The following CFTR variants were observed in gnomAD, a reference collection of about 807,000 sequenced individuals.
The protein encoded by CFTR is cystic fibrosis transmembrane conductance regulator.
CFTR carries 181 observed loss-of-function variants against 171.6 expected under a neutral mutation model. That is an observed-to-expected ratio of 1.05 (90% CI 0.93 to 1.19). The LOEUF (loss-of-function observed/expected upper bound fraction) is 1.19. Among genes scored for constraint, CFTR ranks in the 50% most tolerant of loss-of-function variants. The probability of loss-of-function intolerance (pLI) is 0.00; values close to 1 mark genes in which losing one functional copy is unlikely to be tolerated. For synonymous variants in CFTR, 583 were observed against 608.0 expected, an observed-to-expected ratio of 0.96 and a Z score of 0.60; for missense variants, 1,968 against 1,734.7, an observed-to-expected ratio of 1.13 and a Z score of -2.39.
intron 22 of CFTR, 111 bp from the exon 23 acceptor site, chr7:117,642,327 G>A (rs542526637): frequency 2.8e-6 from 3 of 1,081,128 alleles, no homozygotes; most frequent in South Asian, 2.6e-5. Context: ...ATCTTCCACT[G>A]GTGACAGGAT....
chr7:117,490,355 A>ACACACACAC (rs1584768628), intron 1 of CFTR, among the ~76,000 whole-genome samples: 16 of 147,010 alleles, frequency 1.1e-4, no homozygotes, highest in South Asian at 2.3e-4. Context: ...ACACACACAC[A>ACACACACAC]ATTTATTATA....
intron 14 of CFTR, among the ~76,000 whole-genome samples, chr7:117,593,665 G>A (rs576426650): frequency 5.1e-4 from 78 of 152,154 alleles, no homozygotes; most frequent in African/African-American, 1.8e-3. Flanking sequence ...GTGCAACCTC[G>A]GCTCACTGCA....
At chr7:117,637,222 GTT>G (rs35433853) in intron 22 of CFTR, among the ~76,000 whole-genome samples, 1 of 143,234 alleles carries the variant, frequency 7.0e-6, no homozygotes. Flanking sequence ...TTCAAATGGT[GTT>G]TTTTTTTTTT....
At chr7:117,638,736 C>CATAAATAA (rs201930686) in intron 22 of CFTR, among the ~76,000 whole-genome samples, 2,192 of 145,098 alleles carry the variant, frequency 0.015, 28 homozygotes, top group African/African-American at 0.027. Flanking sequence ...AACTCCATCT[C>CATAAATAA]ATAAATAAAT....
At chr7:117,576,221 T>A (rs1356688565) in intron 11 of CFTR, among the ~76,000 whole-genome samples, 1 of 152,100 alleles carries the variant, frequency 6.6e-6, no homozygotes, top group Non-Finnish European at 1.5e-5. Context: ...TATGGAAGAG[T>A]TGGCCCTTTG....
intron 21 of CFTR, among the ~76,000 whole-genome samples, chr7:117,626,556 G>C (rs575795366): frequency 1.3e-5 from 2 of 152,198 alleles, no homozygotes; most frequent in Non-Finnish European, 2.9e-5. Flanking sequence ...ATCTGGGAAG[G>C]ATTGAGCCAC....
At chr7:117,554,947 GC>G in intron 10 of CFTR, among the ~76,000 whole-genome samples, 1 of 152,124 alleles carries the variant, frequency 6.6e-6, no homozygotes, top group East Asian at 1.9e-4. Context: ...AACCATTGAT[GC>G]CTTATTCTTT....
intron 4 of CFTR, among the ~76,000 whole-genome samples, chr7:117,532,618 T>G (rs1388462819): frequency 6.6e-6 from 1 of 151,936 alleles, no homozygotes. Context: ...AGAGATCAAA[T>G]AAGGGGCAGG....
chr7:117,568,005 C>A (rs1791630713), intron 11 of CFTR, among the ~76,000 whole-genome samples: 1 of 152,152 alleles, frequency 6.6e-6, no homozygotes, highest in Non-Finnish European at 1.5e-5. Context: ...ACAGGGAGAA[C>A]ATTCCAGAAA....
At chr7:117,526,139 T>C (rs1798776194) in intron 3 of CFTR, among the ~76,000 whole-genome samples, 1 of 152,026 alleles carries the variant, frequency 6.6e-6, no homozygotes, top group African/African-American at 2.4e-5. Context: ...CCTTCACTTA[T>C]GAAGCTTAGT....
chr7:117,575,241 T>G (rs962413288), intron 11 of CFTR, among the ~76,000 whole-genome samples: 1 of 152,138 alleles, frequency 6.6e-6, no homozygotes, highest in Non-Finnish European at 1.5e-5. Context: ...TTTCCTCAAA[T>G]CTTTGAAAGT....
intron 19 of CFTR, among the ~76,000 whole-genome samples, chr7:117,611,218 G>A (rs1361655589): frequency 6.6e-6 from 1 of 152,018 alleles, no homozygotes; most frequent in Non-Finnish European, 1.5e-5. Context: ...GCTAAATCAA[G>A]TCACATAAAC....
chr7:117,515,598 T>C (rs1798584992), intron 3 of CFTR, among the ~76,000 whole-genome samples: 1 of 152,194 alleles, frequency 6.6e-6, no homozygotes, highest in Non-Finnish European at 1.5e-5. Context: ...TGCCTCCAGC[T>C]TTGTTCTTTT....
intron 2 of CFTR, among the ~76,000 whole-genome samples, chr7:117,505,933 G>A (rs1798408675): frequency 6.6e-6 from 1 of 152,142 alleles, no homozygotes; most frequent in Non-Finnish European, 1.5e-5. Flanking sequence ...TCAAGGGCCA[G>A]CTTCTATTAT....
chr7:117,638,338 A>AT (rs772902790), intron 22 of CFTR, among the ~76,000 whole-genome samples: 77 of 151,814 alleles, frequency 5.1e-4, no homozygotes, highest in Non-Finnish European at 1.0e-3. Context: ...CTGTTTTTTT[A>AT]TTTTTTTTAT....
chr7:117,626,780 T>A (rs1337748623), intron 21 of CFTR, among the ~76,000 whole-genome samples: 1 of 151,748 alleles, frequency 6.6e-6, no homozygotes, highest in Non-Finnish European at 1.5e-5. Flanking sequence ...GAGATGTATG[T>A]TTTTTTTAAA....
chr7:117,536,777 C>A, intron 7 of CFTR, 104 bp downstream of exon 7: 1 of 960,030 alleles, frequency 1.0e-6, no homozygotes, highest in Non-Finnish European at 1.6e-6. Context: ...ATGTTTGTGA[C>A]AATCAAATGA....
At chr7:117,567,049 A>G (rs561962632) in intron 11 of CFTR, among the ~76,000 whole-genome samples, 4 of 152,334 alleles carry the variant, frequency 2.6e-5, no homozygotes, top group Middle Eastern at 3.4e-3. Flanking sequence ...ATGAATAGAT[A>G]ATAAAATTAA....
At chr7:117,505,902 A>G (rs1366457438) in intron 2 of CFTR, among the ~76,000 whole-genome samples, 1 of 152,210 alleles carries the variant, frequency 6.6e-6, no homozygotes, top group Non-Finnish European at 1.5e-5. Context: ...TAGTGGGAGT[A>G]GCAGATTCAC....
Sources: gnomAD v4.1 joint callset for allele counts (sites outside exome capture counted in the v4.1 genomes callset) on GRCh38, gnomAD v4.1.1 for gene constraint, MANE v1.5 for transcripts, NCBI Gene and HGNC (gene_info 2026-07-23, HGNC 2026-07-21) for gene names.